Variants in APPBP2 observed in about 807,000 individuals in gnomAD.
APPBP2 encodes amyloid protein-binding protein 2.
APPBP2 carries 15 observed loss-of-function variants against 76.0 expected under a neutral mutation model. The observed-to-expected ratio is 0.20, with a 90% CI of 0.13 to 0.30. APPBP2 has a LOEUF of 0.30. Among genes scored for constraint, APPBP2 ranks in the 10% least tolerant of loss-of-function variants. The pLI, the probability that APPBP2 is intolerant of heterozygous loss-of-function variation, is 1.00. For synonymous variants in APPBP2, 222 were observed against 242.2 expected (o/e 0.92, Z 0.77); for missense variants, 401 against 687.2 (o/e 0.58, Z 4.66).
intron 4 of APPBP2, among the ~76,000 whole-genome samples, chr17:60,471,436 T>G (rs759650516): frequency 6.6e-6 from 1 of 152,162 alleles, no homozygotes; most frequent in African/African-American, 2.4e-5. Flanking sequence ...TAGAGTATGA[T>G]GTTATTGTGA....
chr17:60,513,218 C>T (rs778547787), intron 1 of APPBP2: 46 of 382,018 alleles, frequency 1.2e-4, no homozygotes, highest in Non-Finnish European at 2.0e-4. Flanking sequence ...GGCGAGCATT[C>T]GACTTCCACC....
intron 4 of APPBP2, among the ~76,000 whole-genome samples, chr17:60,473,188 A>C (rs138711608): frequency 6.6e-6 from 1 of 152,268 alleles, no homozygotes; most frequent in East Asian, 1.9e-4. Context: ...TAGCTTGGTC[A>C]AGTTTCAAAT....
chr17:60,525,546 T>C (rs1399358695), intron 1 of APPBP2, among the ~76,000 whole-genome samples: 1 of 152,204 alleles, frequency 6.6e-6, no homozygotes, highest in Non-Finnish European at 1.5e-5. Flanking sequence ...AGAGGGCCAC[T>C]GTGTAGAAGG....
intron 1 of APPBP2, among the ~76,000 whole-genome samples, chr17:60,512,816 A>T (rs2090925791): frequency 7.0e-6 from 1 of 143,754 alleles, no homozygotes; most frequent in Non-Finnish European, 1.5e-5. Context: ...CCTAGGCAAC[A>T]GAGTGAGACT....
intron 1 of APPBP2, among the ~76,000 whole-genome samples, chr17:60,518,369 G>A (rs1035156644): frequency 2.9e-5 from 4 of 139,986 alleles, no homozygotes; most frequent in Non-Finnish European, 6.0e-5. Flanking sequence ...GTGTGTGTGT[G>A]TGTGTGTGTG....
chr17:60,449,683 A>C (rs2090377319), intron 12 of APPBP2, among the ~76,000 whole-genome samples: 1 of 149,544 alleles, frequency 6.7e-6, no homozygotes, highest in South Asian at 2.1e-4. Flanking sequence ...ATTGATCCCT[A>C]CTTCACACCA....
intron 1 of APPBP2, among the ~76,000 whole-genome samples, chr17:60,508,058 C>G (rs556553309): frequency 3.9e-4 from 60 of 151,992 alleles, no homozygotes; most frequent in African/African-American, 1.4e-3. Context: ...CTGCAGCCTC[C>G]GCTTCCTGGG....
chr17:60,496,040 T>C (rs938421225), intron 2 of APPBP2, among the ~76,000 whole-genome samples: 2 of 152,256 alleles, frequency 1.3e-5, no homozygotes, highest in African/African-American at 2.4e-5. Context: ...AAAGACCATA[T>C]AAGAATCAAC....
In APPBP2 at chr17:60,525,834, C is replaced by T. The variant is rs746243547; in HGVS notation, c.98G>A (p.Arg33His). 3.7e-6 allele frequency: 6 copies of T among 1,613,750 alleles called. No homozygotes were observed. The highest frequency in any genetic ancestry group is 4.2e-6 in the Non-Finnish European group (5 of 1,179,934). Residue 33 changes from arginine (R) to histidine (H), a missense_variant, in exon 1 of 13, where the codon CGC becomes CAC. By Grantham distance (29) the Arg-to-His change is conservative. Around this residue, in one of 5 missense-constraint regions of APPBP2, gnomAD observed 149 missense variants for 198.4 expected, o/e 0.75. Transcript: ENST00000083182. Reference protein sequence around the residue: ...DNYIRSRRDIRSLPENIQFDV... With the variant: ...DNYIRSRRDIHSLPENIQFDV... ...AAACTGGATGTTCTCGGGCAAGGAGCGGATGTCTCGGCGGGAGCGGATGTA... is the reference window on the plus strand; with the variant it reads ...AAACTGGATGTTCTCGGGCAAGGAGTGGATGTCTCGGCGGGAGCGGATGTA...
chr17:60,510,431 C>T (rs1336286213), intron 1 of APPBP2, among the ~76,000 whole-genome samples: 1 of 151,884 alleles, frequency 6.6e-6, no homozygotes, highest in Non-Finnish European at 1.5e-5. Context: ...AAGTAAAAAA[C>T]TCATCTGATG....
At chr17:60,512,695 T>A (rs977389291) in intron 1 of APPBP2, among the ~76,000 whole-genome samples, 1 of 150,998 alleles carries the variant, frequency 6.6e-6, no homozygotes, top group African/African-American at 2.4e-5. Flanking sequence ...AATAGTCGGG[T>A]GTGATGGCAC....
intron 4 of APPBP2, among the ~76,000 whole-genome samples, chr17:60,471,128 GT>G (rs2090549448): frequency 6.6e-6 from 1 of 151,948 alleles, no homozygotes; most frequent in Non-Finnish European, 1.5e-5. Flanking sequence ...TGTAGTTGTA[GT>G]TCTTGATATA....
intron 3 of APPBP2, among the ~76,000 whole-genome samples, chr17:60,493,015 C>T (rs913968477): frequency 2.6e-5 from 4 of 152,054 alleles, no homozygotes; most frequent in African/African-American, 7.2e-5. Context: ...ATCATAGGGC[C>T]GGTTCCCCAA....
At chr17:60,458,253 G>A (rs1340029817) in intron 9 of APPBP2, among the ~76,000 whole-genome samples, 1 of 152,096 alleles carries the variant, frequency 6.6e-6, no homozygotes, top group Non-Finnish European at 1.5e-5. Context: ...GGCCAACATG[G>A]TGAAACCCTG....
intron 4 of APPBP2, among the ~76,000 whole-genome samples, chr17:60,471,222 G>C (rs2090550160): frequency 6.6e-6 from 1 of 152,040 alleles, no homozygotes; most frequent in Non-Finnish European, 1.5e-5. Flanking sequence ...TTTTCTTGAT[G>C]TTTTTGATTT....
At chr17:60,484,121 G>A (rs1199052531) in intron 3 of APPBP2, among the ~76,000 whole-genome samples, 2 of 152,104 alleles carry the variant, frequency 1.3e-5, no homozygotes, top group Non-Finnish European at 2.9e-5. Context: ...CGCTGTTTTG[G>A]TTACTGCAGC....
At chr17:60,458,048 C>T (rs2090444244) in intron 9 of APPBP2, among the ~76,000 whole-genome samples, 2 of 152,172 alleles carry the variant, frequency 1.3e-5, no homozygotes, top group South Asian at 2.1e-4. Flanking sequence ...TGAAATCATA[C>T]AATATGTGAT....
In APPBP2 at chr17:60,447,591, G is replaced by C; in HGVS notation, c.1748C>G (p.Pro583Arg). 6.2e-7 allele frequency: 1 copy of C among 1,611,268 alleles called. No individual in the cohort carries two copies. The highest frequency in any genetic ancestry group is 8.5e-7 in the Non-Finnish European group (1 of 1,178,284). ...SFLISQNVEG[P>R]SC ...AACTGAGGTCCTCCCTCAGCAGCTC[G>C]GTCCCTCGACATTCTGAGAAATCAG... The change falls in exon 13 of 13, where the codon CCG becomes CGG. Residue 583 changes from proline to arginine, a missense_variant. Around this residue, in one of 5 missense-constraint regions of APPBP2, gnomAD observed 56 missense variants for 76.5 expected, o/e 0.73. Transcript: ENST00000083182.
chr17:60,467,734 T>C (rs183561957), intron 4 of APPBP2, among the ~76,000 whole-genome samples: 1 of 152,250 alleles, frequency 6.6e-6, no homozygotes, highest in Non-Finnish European at 1.5e-5. Flanking sequence ...GGTAGTAACA[T>C]TTAAGTTGAC....
Sources: gnomAD v4.1 joint callset for allele counts (sites outside exome capture counted in the v4.1 genomes callset) on GRCh38, gnomAD v4.1.1 for gene constraint, gnomAD v4.1.1 regional missense constraint, MANE v1.5 for transcripts, NCBI Gene and HGNC (gene_info 2026-07-23, HGNC 2026-07-21) for gene names.